NEK1: variants seen among roughly 807,000 people sequenced by gnomAD.
The protein encoded by NEK1 is serine/threonine-protein kinase Nek1.
NEK1 carries 137 observed loss-of-function variants against 182.1 expected under a neutral mutation model. The observed-to-expected ratio is 0.75, with a 90% CI of 0.65 to 0.87. The LOEUF is 0.87. NEK1 is among the 40% of genes least tolerant of loss of function. The probability of loss-of-function intolerance (pLI) is 0.00; values close to 1 mark genes in which losing one functional copy is unlikely to be tolerated. For synonymous variants in NEK1, 513 were observed against 492.2 expected (o/e 1.04, Z -0.56); for missense variants, 1,391 against 1,494.4 (o/e 0.93, Z 1.14).
chr4:169,401,367 T>C (rs1731653458), intron 33 of NEK1, among the ~76,000 whole-genome samples: 1 of 152,188 alleles, frequency 6.6e-6, no homozygotes, highest in South Asian at 2.1e-4. Flanking sequence ...GAAAACAATG[T>C]TATTATCTTT....
At chr4:169,493,685 G>C (rs1750555600) in intron 23 of NEK1, among the ~76,000 whole-genome samples, 1 of 152,096 alleles carries the variant, frequency 6.6e-6, no homozygotes, top group African/African-American at 2.4e-5. Flanking sequence ...AGCAGAAGAA[G>C]AATTTCAGAG....
intron 29 of NEK1, among the ~76,000 whole-genome samples, chr4:169,427,853 T>C (rs954019897): frequency 1.3e-5 from 2 of 152,078 alleles, no homozygotes; most frequent in Non-Finnish European, 2.9e-5. Flanking sequence ...AGGGTCTTGC[T>C]CTGTTGCCCA....
intron 5 of NEK1, among the ~76,000 whole-genome samples, chr4:169,597,783 A>C (rs1168774950): frequency 6.6e-6 from 1 of 151,728 alleles, no homozygotes; most frequent in Non-Finnish European, 1.5e-5. Flanking sequence ...AAATACAAAA[A>C]ATTAGCCAGG....
chr4:169,583,957 C>T (rs1290765382), intron 10 of NEK1, among the ~76,000 whole-genome samples: 2 of 152,152 alleles, frequency 1.3e-5, no homozygotes, highest in Non-Finnish European at 2.9e-5. Context: ...ATATATGATA[C>T]TTCCTTCTTC....
rs1747132572 is a variant in NEK1 at position 169,477,267 on chromosome 4, A to G, written c.2291T>C (p.Phe764Ser). The change falls in exon 26 of 36, where the codon TTT becomes TCT. Residue 764 changes from phenylalanine (F) to serine (S), a missense_variant. By Grantham distance (155) the Phe-to-Ser change is radical. This residue lies in a region of NEK1 where 1,216 missense variants were observed against 1,277.6 expected (regional missense o/e 0.95). Transcript: ENST00000507142. Reference protein sequence around the residue: ...EKGKQNLSDTFEINVHEDAKE... With the variant: ...EKGKQNLSDTSEINVHEDAKE... ...GGCATCTTCATGAACATTTATCTCA[A>G]AAGTATCAGAGAGATTCTGCTTTCC... 1 of 1,597,790 alleles carries G rather than the reference A, an allele frequency of 6.3e-7. No individual in the cohort carries two copies. Among genetic ancestry groups the G allele is most frequent in the African/African-American group, 1.3e-5 (1 of 74,684 alleles).
chr4:169,410,396 A>T (rs1038327322), intron 31 of NEK1, among the ~76,000 whole-genome samples: 1 of 152,190 alleles, frequency 6.6e-6, no homozygotes, highest in African/African-American at 2.4e-5. Context: ...CATTAACAGA[A>T]CTTCAACTAA....
At chr4:169,493,646 G>A (rs971653029) in intron 23 of NEK1, among the ~76,000 whole-genome samples, 9 of 152,128 alleles carry the variant, frequency 5.9e-5, no homozygotes, top group Non-Finnish European at 1.5e-5. Flanking sequence ...TCAAAATACA[G>A]TTGGAAGCCT....
intron 10 of NEK1, among the ~76,000 whole-genome samples, chr4:169,585,079 C>T (rs1056941957): frequency 8.5e-5 from 13 of 152,134 alleles, no homozygotes; most frequent in Non-Finnish European, 1.6e-4. Context: ...GTCTCAGCTA[C>T]TCAGGAGGCT....
At chr4:169,394,633 A>C in intron 35 of NEK1, 110 bp from the exon 36 acceptor site, 1 of 585,112 alleles carries the variant, frequency 1.7e-6, no homozygotes, top group Non-Finnish European at 2.9e-6. Context: ...GTAGTTTTAA[A>C]CATACTTTTA....
chr4:169,416,546 C>G (rs1225893814), intron 31 of NEK1, among the ~76,000 whole-genome samples: 1 of 152,156 alleles, frequency 6.6e-6, no homozygotes, highest in Non-Finnish European at 1.5e-5. Flanking sequence ...GTTAACAATC[C>G]TCACATTAGG....
At chr4:169,606,010 A>C (rs1771277807) in intron 2 of NEK1, among the ~76,000 whole-genome samples, 1 of 152,146 alleles carries the variant, frequency 6.6e-6, no homozygotes, top group African/African-American at 2.4e-5. Context: ...AGAAACACGA[A>C]AGATTTAAAC....
chr4:169,589,995 C>G (rs1348768250), intron 6 of NEK1, among the ~76,000 whole-genome samples: 1 of 151,868 alleles, frequency 6.6e-6, no homozygotes, highest in Non-Finnish European at 1.5e-5. Context: ...CAAAAAAAAC[C>G]AAATAGTATG....
intron 26 of NEK1, among the ~76,000 whole-genome samples, chr4:169,470,542 GC>G (rs1745766863): frequency 6.6e-6 from 1 of 152,200 alleles, no homozygotes; most frequent in African/African-American, 2.4e-5. Context: ...CTCTTTGGCT[GC>G]CCTTAACATT....
At chr4:169,513,758 T>A (rs1315409351) in intron 19 of NEK1, among the ~76,000 whole-genome samples, 1 of 152,158 alleles carries the variant, frequency 6.6e-6, no homozygotes, top group Non-Finnish European at 1.5e-5. Flanking sequence ...TGCTGACAGT[T>A]ATTATTTTTT....
chr4:169,562,582 G>A (rs2149950837), intron 12 of NEK1, among the ~76,000 whole-genome samples: 1 of 152,054 alleles, frequency 6.6e-6, no homozygotes, highest in Admixed American at 6.5e-5. Flanking sequence ...TAAAAATTTA[G>A]GGTCTATTTT....
chr4:169,454,451 C>T (rs916269304), intron 27 of NEK1, among the ~76,000 whole-genome samples: 4 of 152,096 alleles, frequency 2.6e-5, no homozygotes, highest in Non-Finnish European at 4.4e-5. Flanking sequence ...GGGCTAATAT[C>T]CAGAATCTAC....
chr4:169,497,298 C>T (rs1486648145), intron 23 of NEK1, among the ~76,000 whole-genome samples: 5 of 151,810 alleles, frequency 3.3e-5, no homozygotes, highest in Admixed American at 2.6e-4. Flanking sequence ...TCTCTCTTTT[C>T]TTCTTTATTA....
intron 8 of NEK1, 80 bp from the exon 9 acceptor site, chr4:169,587,693 T>A: frequency 1.2e-6 from 1 of 841,032 alleles, no homozygotes; most frequent in South Asian, 1.9e-5. Flanking sequence ...AGCATAAAAG[T>A]GTTTTGGAAA....
intron 22 of NEK1, 61 bp from the exon 23 acceptor site, chr4:169,507,193 T>C (rs1753440952): frequency 3.1e-6 from 3 of 979,354 alleles, no homozygotes; most frequent in South Asian, 1.7e-5. Flanking sequence ...GTTTTTTTTT[T>C]TTTTTTTGGG....
Sources: allele counts gnomAD v4.1 joint callset (sites outside exome capture counted in the v4.1 genomes callset), GRCh38; gene constraint gnomAD v4.1.1; regional missense constraint gnomAD v4.1.1; transcripts MANE v1.5; gene names NCBI Gene and HGNC (gene_info 2026-07-23, HGNC 2026-07-21).